ADAM32: variants seen among roughly 807,000 people sequenced by gnomAD.
The protein encoded by ADAM32 is ADAM metallopeptidase domain 32, also known as disintegrin and metalloproteinase domain-containing protein 32.
In ADAM32, 89 loss-of-function variants were observed where a neutral mutation model predicts 114.9. The ratio of observed to expected loss-of-function variants is 0.77; its 90% CI spans 0.65 to 0.92. The LOEUF is 0.92. Among genes scored for constraint, ADAM32 ranks in the 40% least tolerant of loss-of-function variants. The pLI is 0.00. For synonymous variants in ADAM32, 285 were observed against 307.5 expected (o/e 0.93, Z 0.77); for missense variants, 870 against 932.8 (o/e 0.93, Z 0.88).
chr8:39,270,945 C>T (rs1279515628), intron 20 of ADAM32, 31 bp downstream of exon 20: 1 of 1,580,498 alleles, frequency 6.3e-7, no homozygotes, highest in Non-Finnish European at 8.6e-7. Context: ...TTTTAAGATA[C>T]ATGTTGAAAA....
intron 19 of ADAM32, among the ~76,000 whole-genome samples, chr8:39,269,470 A>G (rs1812576456): frequency 6.6e-6 from 1 of 152,216 alleles, no homozygotes; most frequent in Admixed American, 6.5e-5. Context: ...CAACTTTCAC[A>G]TATTTTTAAT....
chr8:39,183,985 G>C (rs1329246758), intron 10 of ADAM32, among the ~76,000 whole-genome samples: 1 of 152,238 alleles, frequency 6.6e-6, no homozygotes, highest in Non-Finnish European at 1.5e-5. Flanking sequence ...GCAGTCCACT[G>C]TAATAAACCT....
At chr8:39,247,662 G>A (rs1196067147) in intron 17 of ADAM32, among the ~76,000 whole-genome samples, 1 of 151,720 alleles carries the variant, frequency 6.6e-6, no homozygotes, top group Non-Finnish European at 1.5e-5. Flanking sequence ...TCTTGACAGT[G>A]CTTTTCACAG....
chr8:39,256,434 A>T (rs1440200798), intron 18 of ADAM32, among the ~76,000 whole-genome samples: 1 of 151,958 alleles, frequency 6.6e-6, no homozygotes, highest in East Asian at 1.9e-4. Context: ...AATCAGAAAA[A>T]TCCATCAATT....
intron 2 of ADAM32, among the ~76,000 whole-genome samples, chr8:39,134,792 T>C (rs573063191): frequency 2.0e-5 from 3 of 152,148 alleles, no homozygotes; most frequent in Non-Finnish European, 4.4e-5. Flanking sequence ...CTAATAATAA[T>C]TACTAAGTTT....
chr8:39,213,880 A>T (rs1808385903), intron 12 of ADAM32, among the ~76,000 whole-genome samples: 1 of 152,024 alleles, frequency 6.6e-6, no homozygotes, highest in Non-Finnish European at 1.5e-5. Context: ...TTTACTGTCT[A>T]TCTCCATGAG....
intron 4 of ADAM32, among the ~76,000 whole-genome samples, chr8:39,148,589 C>T (rs77942019): frequency 0.028 from 4,326 of 151,866 alleles, 96 homozygotes; most frequent in Non-Finnish European, 0.044. Flanking sequence ...ATAATCATCC[C>T]GAGGGCAGGG....
chr8:39,165,896 C>CT (rs1804801760), intron 9 of ADAM32: 1 of 151,878 alleles, frequency 6.6e-6, no homozygotes, highest in South Asian at 2.1e-4. Context: ...TTTTAATTTG[C>CT]TTTTTTTCTG....
chr8:39,268,078 A>G (rs147218019), intron 19 of ADAM32, among the ~76,000 whole-genome samples: 5 of 152,334 alleles, frequency 3.3e-5, no homozygotes, highest in Non-Finnish European at 7.3e-5. Flanking sequence ...ACAAGTCTCT[A>G]TGTGAATATA....
Position 39,281,163 on chromosome 8 carries a change from A to C in ADAM32, c.2307A>C (p.Ala769=), listed in dbSNP as rs1813397265. The C allele has an allele frequency of 7.3e-7, 1 of 1,377,440 alleles. No individual in the cohort carries two copies. Among genetic ancestry groups the C allele is most frequent in the Non-Finnish European group, 9.6e-7 (1 of 1,043,380 alleles). The allele number at this position is 1,377,440 out of a possible 1,614,324, so 85.3% of individuals were successfully genotyped here. The change falls in exon 23 of 25, where the codon GCA becomes GCC. Residue 769 remains alanine, a synonymous_variant. Coordinates refer to ENST00000379907, the MANE Select transcript of ADAM32 (RefSeq NM_145004.7). The part of the protein sequence containing the change: ...SKSKSEDSAE[A]YTSRSKSQDS... ...CCAAATCAGAAGATAGTGCTGAAGC[A>C]TATACTAGCAGGTAAGCAGGATAGA...
intron 1 of ADAM32, among the ~76,000 whole-genome samples, chr8:39,114,325 G>A (rs1840287524): frequency 6.6e-6 from 1 of 152,180 alleles, no homozygotes; most frequent in South Asian, 2.1e-4. Context: ...GCACATTCCT[G>A]TGGTTGCATG....
chr8:39,107,910 C>T (rs1345990395), intron 1 of ADAM32, 77 bp downstream of exon 1: 4 of 1,443,272 alleles, frequency 2.8e-6, no homozygotes, highest in African/African-American at 2.9e-5. Flanking sequence ...GCCCGGGGCC[C>T]TCCCTGTCTG....
intron 3 of ADAM32, among the ~76,000 whole-genome samples, chr8:39,146,737 T>C (rs1478894453): frequency 6.6e-6 from 1 of 152,208 alleles, no homozygotes; most frequent in Non-Finnish European, 1.5e-5. Context: ...ATGCTCTTCT[T>C]TTAGTCTCTT....
chr8:39,252,025 TA>T (rs1811340599), intron 17 of ADAM32, among the ~76,000 whole-genome samples: 1 of 151,962 alleles, frequency 6.6e-6, no homozygotes, highest in East Asian at 1.9e-4. Context: ...TGAATTGGTG[TA>T]AATGCATGTA....
chr8:39,242,079 C>G (rs1052671503), intron 16 of ADAM32, among the ~76,000 whole-genome samples: 1 of 152,176 alleles, frequency 6.6e-6, no homozygotes, highest in Non-Finnish European at 1.5e-5. Context: ...AGGGCATGGA[C>G]AAAATGCTGC....
At chr8:39,259,373 G>A (rs1164350225) in intron 19 of ADAM32, among the ~76,000 whole-genome samples, 1 of 151,634 alleles carries the variant, frequency 6.6e-6, no homozygotes, top group East Asian at 1.9e-4. Context: ...CTAATTTTTT[G>A]TATTTTTAGT....
At chr8:39,234,271 ACCC>A (rs1284146630) in intron 16 of ADAM32, among the ~76,000 whole-genome samples, 189 bp downstream of exon 16, 1 of 55,932 alleles carries the variant, frequency 1.8e-5, no homozygotes, top group Non-Finnish European at 3.9e-5. Flanking sequence ...ACCCCCTCCC[ACCC>A]CCCATTAGAA....
At chr8:39,135,211 A>G (rs937253992) in intron 2 of ADAM32, among the ~76,000 whole-genome samples, 2 of 152,348 alleles carry the variant, frequency 1.3e-5, no homozygotes, top group East Asian at 3.9e-4. Context: ...GTGTTCAGTT[A>G]TCACATTCAG....
chr8:39,192,449 G>A (rs1806671518), intron 11 of ADAM32, among the ~76,000 whole-genome samples: 1 of 152,074 alleles, frequency 6.6e-6, no homozygotes, highest in Non-Finnish European at 1.5e-5. Context: ...CATATCATTG[G>A]GTCTTATTTC....
Sources: allele counts gnomAD v4.1 joint callset (sites outside exome capture counted in the v4.1 genomes callset), GRCh38; gene constraint gnomAD v4.1.1; transcripts MANE v1.5; gene names NCBI Gene and HGNC (gene_info 2026-07-23, HGNC 2026-07-21).